FAM13A: variants seen among roughly 807,000 people sequenced by gnomAD.
The protein encoded by FAM13A is family with sequence similarity 13 member A.
In FAM13A, 76 loss-of-function variants were observed where a neutral mutation model predicts 129.6. That is an observed-to-expected ratio of 0.59 (90% CI 0.49 to 0.71). FAM13A has a LOEUF of 0.71. Among genes scored for constraint, FAM13A ranks in the 30% least tolerant of loss-of-function variants. The probability of loss-of-function intolerance (pLI) is 0.00; values close to 1 mark genes in which losing one functional copy is unlikely to be tolerated. For synonymous variants in FAM13A, 443 were observed against 449.9 expected (o/e 0.98, Z 0.20); for missense variants, 1,108 against 1,249.3 (o/e 0.89, Z 1.70).
At chr4:88,850,501 G>A (rs1737380153) in intron 7 of FAM13A, among the ~76,000 whole-genome samples, 1 of 152,036 alleles carries the variant, frequency 6.6e-6, no homozygotes. Flanking sequence ...AGGTTGCAGT[G>A]AGCCGAGATT....
At chr4:88,900,577 C>T (rs1032441429) in intron 6 of FAM13A, among the ~76,000 whole-genome samples, 10 of 152,072 alleles carry the variant, frequency 6.6e-5, no homozygotes, top group African/African-American at 2.2e-4. Flanking sequence ...AAATAAGATC[C>T]TTTGCAGACA....
At chr4:88,855,378 T>C (rs1301551712) in intron 6 of FAM13A, 2 of 152,138 alleles carry the variant, frequency 1.3e-5, no homozygotes, top group African/African-American at 4.8e-5. Flanking sequence ...TTATTTATAA[T>C]AGAATGAAAA....
At chr4:88,859,142 TGAA>T (rs1335022288) in intron 6 of FAM13A, among the ~76,000 whole-genome samples, 4 of 152,288 alleles carry the variant, frequency 2.6e-5, no homozygotes, top group African/African-American at 9.6e-5. Context: ...AGTTCTGCTG[TGAA>T]GAATAGCAAA....
chr4:88,856,298 A>T (rs1738486865), intron 6 of FAM13A, among the ~76,000 whole-genome samples: 1 of 151,844 alleles, frequency 6.6e-6, no homozygotes, highest in Non-Finnish European at 1.5e-5. Flanking sequence ...TCAGTGACAT[A>T]ATGAGACCCT....
At chr4:88,986,739 T>C (rs1427911754) in intron 4 of FAM13A, among the ~76,000 whole-genome samples, 1 of 152,240 alleles carries the variant, frequency 6.6e-6, no homozygotes, top group Admixed American at 6.5e-5. Context: ...ATAAATATTC[T>C]TATTTTTTAG....
At chr4:89,023,850 A>C (rs552890904) in intron 2 of FAM13A, among the ~76,000 whole-genome samples, 109 of 125,908 alleles carry the variant, frequency 8.7e-4, no homozygotes, top group African/African-American at 2.9e-3. Flanking sequence ...CAGTACCCAC[A>C]TGAGGCTTAC....
At chr4:88,794,002 G>A (rs1043367899) in intron 8 of FAM13A, among the ~76,000 whole-genome samples, 2 of 152,010 alleles carry the variant, frequency 1.3e-5, no homozygotes, top group Non-Finnish European at 2.9e-5. Flanking sequence ...TAAACAATAA[G>A]CAAATAAGCC....
At chr4:88,853,276 A>G (rs1737923623) in intron 6 of FAM13A, among the ~76,000 whole-genome samples, 1 of 152,184 alleles carries the variant, frequency 6.6e-6, no homozygotes, top group African/African-American at 2.4e-5. Context: ...TGAAATATGT[A>G]TACACTGTGG....
intron 4 of FAM13A, among the ~76,000 whole-genome samples, chr4:88,964,365 T>C (rs183387660): frequency 1.3e-5 from 2 of 152,264 alleles, no homozygotes; most frequent in African/African-American, 4.8e-5. Context: ...ATAAGAAAGA[T>C]ACAAACTAAT....
chr4:88,866,899 C>CT (rs1224519883), intron 6 of FAM13A, among the ~76,000 whole-genome samples: 1 of 152,094 alleles, frequency 6.6e-6, no homozygotes, highest in Non-Finnish European at 1.5e-5. Context: ...ATTTTTTAAA[C>CT]TTTTTAAATT....
At chr4:89,025,261 T>TTTG (rs1560852037) in intron 2 of FAM13A, among the ~76,000 whole-genome samples, 4 of 123,572 alleles carry the variant, frequency 3.2e-5, no homozygotes, top group Admixed American at 8.2e-5. Context: ...TTTTTTTTTT[T>TTTG]TTTTTTTTTT....
intron 3 of FAM13A, among the ~76,000 whole-genome samples, chr4:88,998,764 T>A (rs1763876258): frequency 1.3e-5 from 2 of 152,184 alleles, no homozygotes. Flanking sequence ...AGAATCAGAC[T>A]GGGTTTTACC....
chr4:88,920,127 G>C (rs1465407721), intron 5 of FAM13A, among the ~76,000 whole-genome samples: 4 of 152,212 alleles, frequency 2.6e-5, no homozygotes, highest in East Asian at 1.9e-4. Context: ...GCAGGGCACA[G>C]ACAAACAAAA....
chr4:88,942,410 T>C (rs1231557396), intron 4 of FAM13A, among the ~76,000 whole-genome samples: 1 of 151,686 alleles, frequency 6.6e-6, no homozygotes, highest in East Asian at 1.9e-4. Flanking sequence ...CTACTAAAAA[T>C]ACAAACATTA....
At chr4:88,792,881 T>A (rs1317675411) in intron 8 of FAM13A, among the ~76,000 whole-genome samples, 1 of 151,876 alleles carries the variant, frequency 6.6e-6, no homozygotes, top group South Asian at 2.1e-4. Flanking sequence ...GAAGGGAGGG[T>A]GAAGAAAGAA....
At chr4:88,814,349 T>C (rs1018072085) in intron 7 of FAM13A, among the ~76,000 whole-genome samples, 7 of 152,194 alleles carry the variant, frequency 4.6e-5, no homozygotes, top group Non-Finnish European at 8.8e-5. Context: ...TAGGCATTTT[T>C]TTGGGAGAAA....
chr4:88,848,557 C>T (rs1737059103), intron 7 of FAM13A, among the ~76,000 whole-genome samples: 2 of 152,220 alleles, frequency 1.3e-5, no homozygotes, highest in Admixed American at 6.5e-5. Flanking sequence ...AAAGACTCAT[C>T]CACACCTGCT....
At chr4:89,014,892 C>A (rs1279819335) in intron 3 of FAM13A, among the ~76,000 whole-genome samples, 5 of 152,160 alleles carry the variant, frequency 3.3e-5, no homozygotes, top group Admixed American at 1.3e-4. Flanking sequence ...AGGGAGATAA[C>A]CATTAAGTCT....
intron 5 of FAM13A, among the ~76,000 whole-genome samples, chr4:88,929,131 C>A (rs1273906794): frequency 6.6e-6 from 1 of 151,902 alleles, no homozygotes; most frequent in Non-Finnish European, 1.5e-5. Flanking sequence ...TTTAGTTCTC[C>A]TTCATCTATG....
Sources: allele counts gnomAD v4.1 joint callset (sites outside exome capture counted in the v4.1 genomes callset), GRCh38; gene constraint gnomAD v4.1.1; transcripts MANE v1.5; gene names NCBI Gene and HGNC (gene_info 2026-07-23, HGNC 2026-07-21).